The following TBC1D19 variants were observed in gnomAD, a reference collection of about 807,000 sequenced individuals.
TBC1D19 encodes TBC1 domain family member 19, also known as TBC1 domain family, member 19.
In TBC1D19, 60 loss-of-function variants were observed where a neutral mutation model predicts 89.0. That is an observed-to-expected ratio of 0.67 (90% confidence interval 0.55 to 0.84). The LOEUF (loss-of-function observed/expected upper bound fraction) is 0.84, where lower values mean the gene tolerates loss of function less well. Among genes scored for constraint, TBC1D19 ranks in the 40% least tolerant of loss-of-function variants. The pLI is 0.00. For missense variants in TBC1D19, 500 were observed against 610.8 expected (o/e 0.82, Z 1.91); for synonymous variants, 189 against 199.7 (o/e 0.95, Z 0.45).
chr4:26,593,645 A>G (rs1157737292), intron 1 of TBC1D19, among the ~76,000 whole-genome samples: 1 of 152,204 alleles, frequency 6.6e-6, no homozygotes, highest in Non-Finnish European at 1.5e-5. Flanking sequence ...ATTTACAAGA[A>G]AAAAACAATC....
chr4:26,735,449 T>TC lies in TBC1D19; in HGVS notation c.1085-6_1085-5insC. ...TTATTGAAAAGAAATACCTTTTTTT[T>TC]TTTAGGTGTTATCCCTTTTCATGGA... On this transcript the variant is annotated splice_region_variant and splice_polypyrimidine_tract_variant and intron_variant, in intron 15 of 20. Coordinates refer to ENST00000264866, the MANE Select transcript of TBC1D19 (RefSeq NM_018317.4). 1.9e-6 allele frequency: 3 copies of TC among 1,558,052 alleles called. No homozygotes were observed. The South Asian group carries it at 3.6e-5, about 19-fold the overall frequency.
At chr4:26,679,811 T>C (rs1325286602) in intron 11 of TBC1D19, among the ~76,000 whole-genome samples, 1 of 152,190 alleles carries the variant, frequency 6.6e-6, no homozygotes, top group African/African-American at 2.4e-5. Flanking sequence ...TGGAATGAGT[T>C]GAAACTTTGG....
the TBC1D19 span, among the ~76,000 whole-genome samples, chr4:26,773,925 A>G: frequency 6.6e-6 from 1 of 152,162 alleles, no homozygotes; most frequent in African/African-American, 2.4e-5. Context: ...CTTTATTAGA[A>G]GCCTTGCACA....
chr4:26,580,467 G>C (rs916887528), upstream of TBC1D19, among the ~76,000 whole-genome samples: 1 of 152,204 alleles, frequency 6.6e-6, no homozygotes, highest in African/African-American at 2.4e-5. Context: ...GGAATGTGAA[G>C]AGACTCTGAA....
chr4:26,814,298 G>A, the TBC1D19 span, among the ~76,000 whole-genome samples: 1 of 152,098 alleles, frequency 6.6e-6, no homozygotes, highest in African/African-American at 2.4e-5. Flanking sequence ...CAGAGTGTGC[G>A]GTGATAATAA....
the TBC1D19 span, among the ~76,000 whole-genome samples, chr4:26,763,719 T>C: frequency 6.6e-6 from 1 of 152,200 alleles, no homozygotes; most frequent in Admixed American, 6.5e-5. Flanking sequence ...AACTGAGACC[T>C]GTCTCAGATT....
intron 6 of TBC1D19, 131 bp from the exon 7 acceptor site, chr4:26,640,010 T>G: frequency 1.6e-6 from 1 of 611,758 alleles, no homozygotes; most frequent in Non-Finnish European, 2.8e-6. Flanking sequence ...CTTAATGCAG[T>G]GTATGCATTC....
chr4:26,580,572 A>T (rs998154760), upstream of TBC1D19, among the ~76,000 whole-genome samples: 2 of 152,246 alleles, frequency 1.3e-5, no homozygotes, highest in African/African-American at 4.8e-5. Context: ...AAAGACAGTG[A>T]GGCCTGTGAC....
chr4:26,627,017 C>T (rs1742455769), intron 4 of TBC1D19, among the ~76,000 whole-genome samples: 1 of 151,750 alleles, frequency 6.6e-6, no homozygotes, highest in African/African-American at 2.4e-5. Context: ...TTAGGTATAT[C>T]TCCTAATACT....
At chr4:26,583,572 G>T (rs531886791), upstream of TBC1D19, among the ~76,000 whole-genome samples, 49 of 152,198 alleles carry the variant, frequency 3.2e-4, no homozygotes, top group Non-Finnish European at 5.7e-4. Context: ...CTTATTCCTG[G>T]TATAAGACTC....
chr4:26,627,043 G>A lies in TBC1D19; in HGVS notation c.294+6355G>A, dbSNP rs10000377. Among the ~76,000 whole-genome samples, 852 of 149,514 alleles carry A rather than the reference G, an allele frequency of 5.7e-3. 8 individuals are homozygous for A. The highest frequency in any genetic ancestry group is 0.02 in the African/African-American group (798 of 40,388). ...TCCTAATACTATCCCTCCCCCCTCC[G>A]CCCACCCCACAACAGTCCCCAGGGT... On this transcript the variant is annotated intron_variant, in intron 4 of 20. Transcript: ENST00000264866.
intron 4 of TBC1D19, among the ~76,000 whole-genome samples, chr4:26,621,994 C>CA (rs946382126): frequency 6.7e-6 from 1 of 149,516 alleles, no homozygotes; most frequent in Admixed American, 6.7e-5. Flanking sequence ...ATTGCAAGGA[C>CA]AAAAAAACCA....
At chr4:26,588,546 T>C (rs1257969006) in intron 1 of TBC1D19, among the ~76,000 whole-genome samples, 1 of 152,188 alleles carries the variant, frequency 6.6e-6, no homozygotes, top group Non-Finnish European at 1.5e-5. Flanking sequence ...TCTAATTAAA[T>C]GCTCTAAATT....
At position 26,709,461 on chromosome 4, in the gene TBC1D19, G is replaced by A. The variant is rs576691808; in HGVS notation, c.955-8472G>A. ...TTCAACAACAGTGTTTCCTTCCTCC[G>A]ATCTTCACCCTTACTTCTTTGTTTG... is the stretch of plus-strand genomic sequence containing the variant. On this transcript the variant is annotated intron_variant, in intron 13 of 20. Transcript: ENST00000264866. Among the ~76,000 whole-genome samples, 10 of 152,142 alleles carry A rather than the reference G, an allele frequency of 6.6e-5. No homozygotes were observed. The East Asian group carries it at 1.9e-3, about 29-fold the overall frequency.
chr4:26,631,138 G>A (rs781127915), intron 4 of TBC1D19, among the ~76,000 whole-genome samples: 6 of 152,084 alleles, frequency 3.9e-5, no homozygotes, highest in Non-Finnish European at 8.8e-5. Context: ...ATATGGGACA[G>A]AGGATAGACA....
chr4:26,660,155 G>A (rs1745134670), intron 8 of TBC1D19, among the ~76,000 whole-genome samples: 1 of 152,176 alleles, frequency 6.6e-6, no homozygotes, highest in African/African-American at 2.4e-5. Context: ...TTGCTCTGGA[G>A]ACCGTAATAT....
intron 16 of TBC1D19, 51 bp from the exon 17 acceptor site, chr4:26,739,808 TTTATC>T (rs1442052426): frequency 7.0e-6 from 7 of 997,266 alleles, no homozygotes; most frequent in Non-Finnish European, 1.0e-5. Flanking sequence ...ATTTTATAAA[TTTATC>T]TTAACATTTC....
At chr4:26,802,453 T>A in the TBC1D19 span, among the ~76,000 whole-genome samples, 1 of 151,800 alleles carries the variant, frequency 6.6e-6, no homozygotes, top group Admixed American at 6.6e-5. Context: ...ATACAAAAAA[T>A]TAGCTGGGTG....
chr4:26,686,456 TC>T (rs1431086707), intron 12 of TBC1D19, among the ~76,000 whole-genome samples: 1 of 152,106 alleles, frequency 6.6e-6, no homozygotes, highest in African/African-American at 2.4e-5. Flanking sequence ...ATCCATACTT[TC>T]TATAGTTTTC....
Sources: allele counts gnomAD v4.1 joint callset (sites outside exome capture counted in the v4.1 genomes callset), GRCh38; gene constraint gnomAD v4.1.1; transcripts MANE v1.5; gene names NCBI Gene and HGNC (gene_info 2026-07-23, HGNC 2026-07-21).